The following CADPS2 variants were observed in gnomAD, a reference collection of about 807,000 sequenced individuals.
The protein encoded by CADPS2 is calcium dependent secretion activator 2, also known as calcium-dependent secretion activator 2.
CADPS2 carries 93 observed loss-of-function variants against 172.5 expected under a neutral mutation model. That is an observed-to-expected ratio of 0.54 (90% CI 0.46 to 0.64). The LOEUF is 0.64. Among genes scored for constraint, CADPS2 ranks in the 30% least tolerant of loss-of-function variants. The pLI is 0.00. For synonymous variants in CADPS2, 546 were observed against 555.2 expected (o/e 0.98, Z 0.23); for missense variants, 1,420 against 1,565.9 (o/e 0.91, Z 1.57).
chr7:122,877,654 A>G (rs1259833498), intron 1 of CADPS2, among the ~76,000 whole-genome samples: 3 of 152,208 alleles, frequency 2.0e-5, no homozygotes, highest in Non-Finnish European at 2.9e-5. Flanking sequence ...TAAATGCAAG[A>G]GATCTATATG....
chr7:122,467,064 A>G (rs1317369030), intron 14 of CADPS2, among the ~76,000 whole-genome samples: 1 of 152,194 alleles, frequency 6.6e-6, no homozygotes, highest in Non-Finnish European at 1.5e-5. Context: ...TTTTGATAAA[A>G]TAAAAAAACT....
At position 122,554,589 on chromosome 7, in the gene CADPS2, G is replaced by A; in HGVS notation, c.1436C>T (p.Ala479Val). 1 of 1,611,014 alleles carries A rather than the reference G, an allele frequency of 6.2e-7. No individual in the cohort carries two copies. The highest frequency in any genetic ancestry group is 1.1e-5 in the South Asian group (1 of 90,748). ...SQDSDLKIKL[A>V]VRMDKPAHMK... ...ATGTGCTGGTTTATCCATTCGCACT[G>A]CCAGTTTGATTTTTAAGTCAGAATC... Residue 479 changes from alanine (A) to valine (V), a missense_variant, in exon 8 of 30, where the codon GCA (alanine) becomes GTA (valine). Ala to Val is a moderately conservative substitution (Grantham distance 64). Coordinates refer to ENST00000449022, the MANE Select transcript of CADPS2 (RefSeq NM_017954.11).
intron 12 of CADPS2, among the ~76,000 whole-genome samples, chr7:122,478,959 ACTT>A (rs1024713277): frequency 1.6e-4 from 24 of 152,240 alleles, no homozygotes; most frequent in African/African-American, 4.1e-4. Flanking sequence ...TATTAAAAAT[ACTT>A]CTTTTTTCTT....
intron 1 of CADPS2, among the ~76,000 whole-genome samples, chr7:122,782,868 TC>T (rs1052878962): frequency 6.6e-6 from 1 of 152,230 alleles, no homozygotes; most frequent in African/African-American, 2.4e-5. Context: ...TTATTTCTAC[TC>T]AGTATTCCTT....
chr7:122,327,159 A>G (rs1174338762), intron 28 of CADPS2, among the ~76,000 whole-genome samples: 2 of 152,122 alleles, frequency 1.3e-5, no homozygotes, highest in East Asian at 3.8e-4. Flanking sequence ...AGTAAATTCA[A>G]TACTTTAACT....
rs117152976 is a variant in CADPS2, at chr7:122,576,850, C to T, written c.1335+4329G>A. Reference sequence around the variant, plus strand: ...ATCTCGGCTCATGAAACCTCTGCCTCCCGGGTTCAAGTGATTCTCCTGCCT... The same window carrying T: ...ATCTCGGCTCATGAAACCTCTGCCTTCCGGGTTCAAGTGATTCTCCTGCCT... On this transcript the variant is annotated intron_variant, in intron 7 of 29. Coordinates refer to ENST00000449022, the MANE Select transcript of CADPS2 (RefSeq NM_017954.11). Among the ~76,000 whole-genome samples, 1,011 of 151,268 alleles carry T rather than the reference C, an allele frequency of 6.7e-3. 6 individuals are homozygous for T. The highest frequency in any genetic ancestry group is 0.011 in the Non-Finnish European group (716 of 67,898).
intron 6 of CADPS2, among the ~76,000 whole-genome samples, chr7:122,582,926 C>G (rs7809699): frequency 0.17 from 25,659 of 151,894 alleles, 2,610 homozygotes; most frequent in African/African-American, 0.28. Flanking sequence ...TCCTTTGAAA[C>G]TATTTACACT....
At chr7:122,881,943 C>T (rs894740385) in intron 1 of CADPS2, among the ~76,000 whole-genome samples, 1 of 152,112 alleles carries the variant, frequency 6.6e-6, no homozygotes, top group Non-Finnish European at 1.5e-5. Flanking sequence ...CTCACTAATT[C>T]TTTGAGGCAT....
chr7:122,759,893 G>A lies in CADPS2; in HGVS notation c.340-22825C>T, dbSNP rs140438100. ...TAAATAGGATTATTCCTAAGTGAGCGTATAAAATAGAAGCCAACTACACAG... is the reference window on the plus strand; with the variant it reads ...TAAATAGGATTATTCCTAAGTGAGCATATAAAATAGAAGCCAACTACACAG... On this transcript the variant is annotated intron_variant, in intron 1 of 29. Coordinates refer to ENST00000449022, the MANE Select transcript of CADPS2 (RefSeq NM_017954.11). Among the ~76,000 whole-genome samples the A allele has an allele frequency of 1.5e-3, 232 of 151,998 alleles. 3 individuals are homozygous for A. Among genetic ancestry groups the A allele is most frequent in the Admixed American group, 0.012 (181 of 15,264 alleles).
chr7:122,803,242 C>T (rs1462770897), intron 1 of CADPS2, among the ~76,000 whole-genome samples: 1 of 152,182 alleles, frequency 6.6e-6, no homozygotes. Flanking sequence ...AATCCCTGTC[C>T]TGCTGCTTTA....
At chr7:122,788,375 G>C (rs897505835) in intron 1 of CADPS2, among the ~76,000 whole-genome samples, 3 of 152,144 alleles carry the variant, frequency 2.0e-5, no homozygotes, top group African/African-American at 7.2e-5. Context: ...CTTTAGAAAA[G>C]GGAGTTCTGG....
At chr7:122,756,419 T>G (rs367852174) in intron 1 of CADPS2, among the ~76,000 whole-genome samples, 2 of 152,076 alleles carry the variant, frequency 1.3e-5, no homozygotes, top group Non-Finnish European at 2.9e-5. Flanking sequence ...TCAAAAGAAA[T>G]GTATACAACC....
At chr7:122,820,556 G>GTTTTTTTTTTTTTTTTT (rs551121404) in intron 1 of CADPS2, among the ~76,000 whole-genome samples, 2 of 86,524 alleles carry the variant, frequency 2.3e-5, no homozygotes, top group Non-Finnish European at 4.5e-5. Context: ...TTTGTTTTTT[G>GTTTTTTTTTTTTTTTTT]TTTTTTTTTT....
intron 17 of CADPS2, among the ~76,000 whole-genome samples, chr7:122,422,956 CTCAAAATAAATAAA>C (rs2048708929): frequency 6.6e-6 from 1 of 152,030 alleles, no homozygotes; most frequent in Non-Finnish European, 1.5e-5. Flanking sequence ...GAGACTCCGT[CTCAAAATAAATAAA>C]TAAAAATAAA....
At chr7:122,452,597 T>A (rs1256583691) in intron 14 of CADPS2, among the ~76,000 whole-genome samples, 1 of 152,148 alleles carries the variant, frequency 6.6e-6, no homozygotes, top group Non-Finnish European at 1.5e-5. Context: ...GGTTTCACCA[T>A]GTTGTTCAGG....
intron 24 of CADPS2, among the ~76,000 whole-genome samples, chr7:122,386,020 A>C (rs767822191): frequency 4.1e-4 from 62 of 152,186 alleles, no homozygotes; most frequent in Non-Finnish European, 6.6e-4. Flanking sequence ...TTTATCTTTA[A>C]AATTCTAAGA....
chr7:122,769,013 C>G (rs1394130120), intron 1 of CADPS2, among the ~76,000 whole-genome samples: 1 of 151,576 alleles, frequency 6.6e-6, no homozygotes, highest in South Asian at 2.1e-4. Context: ...TAGATCACAA[C>G]AAGGCTGCCA....
At chr7:122,804,480 G>A (rs1463771208) in intron 1 of CADPS2, among the ~76,000 whole-genome samples, 1 of 152,118 alleles carries the variant, frequency 6.6e-6, no homozygotes, top group Non-Finnish European at 1.5e-5. Context: ...TGACAGTTTG[G>A]TTTAAAGACA....
intron 2 of CADPS2, among the ~76,000 whole-genome samples, chr7:122,679,599 C>T (rs1412022826): frequency 6.6e-6 from 1 of 152,134 alleles, no homozygotes; most frequent in East Asian, 1.9e-4. Context: ...CTGTGACCCA[C>T]ACCCTATTCG....
Sources: allele counts gnomAD v4.1 joint callset (sites outside exome capture counted in the v4.1 genomes callset), GRCh38; gene constraint gnomAD v4.1.1; transcripts MANE v1.5; gene names NCBI Gene and HGNC (gene_info 2026-07-23, HGNC 2026-07-21).